Variants in PDE4D observed in about 807,000 individuals in gnomAD.
PDE4D encodes 3',5'-cyclic-AMP phosphodiesterase 4D.
PDE4D carries 24 observed loss-of-function variants against 87.4 expected under a neutral mutation model. The observed-to-expected ratio is 0.27, with a 90% CI of 0.20 to 0.39. The LOEUF (loss-of-function observed/expected upper bound fraction) is 0.39, where lower values mean the gene tolerates loss of function less well. PDE4D is among the 10% of genes least tolerant of loss of function. The probability of loss-of-function intolerance (pLI) is 1.00; values close to 1 mark genes in which losing one functional copy is unlikely to be tolerated. For missense variants in PDE4D, 714 were observed against 1,041.0 expected (o/e 0.69, Z 4.32); for synonymous variants, 384 against 383.2 (o/e 1.00, Z -0.02).
chr5:58,977,443 C>T, intron 11 of PDE4D, 98 bp from the exon 12 acceptor site: 1 of 1,059,926 alleles, frequency 9.4e-7, no homozygotes. Context: ...TTCCCCTAAA[C>T]TTCTCTGCTG....
intron 1 of PDE4D, among the ~76,000 whole-genome samples, chr5:59,442,799 C>T (rs551033701): frequency 6.6e-6 from 1 of 152,266 alleles, no homozygotes; most frequent in East Asian, 1.9e-4. Flanking sequence ...ACCCATTTGT[C>T]CACACCCAAT....
At chr5:59,643,553 T>G (rs1741958784) in intron 1 of PDE4D, among the ~76,000 whole-genome samples, 1 of 152,230 alleles carries the variant, frequency 6.6e-6, no homozygotes, top group African/African-American at 2.4e-5. Context: ...AATTTACATG[T>G]AGTTTATTAT....
intron 2 of PDE4D, among the ~76,000 whole-genome samples, chr5:60,097,505 T>C (rs898280320): frequency 6.6e-6 from 1 of 152,056 alleles, no homozygotes. Context: ...TTATACAGTT[T>C]TAAGAGTATG....
Position 59,039,613 on chromosome 5 carries a change from C to T in PDE4D, c.809-642G>A, listed in dbSNP as rs189101861. ...TCCCCCTCACGCCCCTCTCGGCCCT[C>T]GGCGCTGCCTGGCTCCTCCTCAACC... On this transcript the variant is annotated intron_variant, in intron 5 of 14. Transcript: ENST00000340635. The T allele has an allele frequency of 1.5e-4, 101 of 677,252 alleles. No homozygotes were observed. In the African/African-American group the frequency reaches 1.8e-3, roughly 12 times the overall value. 42.0% of individuals were successfully genotyped at this position (677,252 alleles called of 1,614,324 possible). A position where few individuals can be genotyped will look rare whatever the true frequency, so the allele number is the denominator to read the frequency against.
At position 60,237,910 on chromosome 5, in the gene PDE4D, GA is replaced by G. The variant is rs539940757; in HGVS notation, c.-89-52224del. 3.1e-3 allele frequency among the ~76,000 whole-genome samples: 470 copies of G among 151,640 alleles called. 2 individuals carry two copies. Among genetic ancestry groups the G allele is most frequent in the African/African-American group, 0.011 (453 of 41,410 alleles). Reference sequence around the variant, plus strand: ...AATTATTATCAAATAAAATGTTGGGGAAAAAAACAAACAATTCCGTTAGATT... The same window carrying G: ...AATTATTATCAAATAAAATGTTGGGGAAAAAACAAACAATTCCGTTAGATT... On this transcript the variant is annotated intron_variant, in intron 1 of 16. Coordinates refer to the PDE4D transcript ENST00000502484.
chr5:59,479,284 CA>C (rs1234484830), intron 1 of PDE4D, among the ~76,000 whole-genome samples: 3 of 152,036 alleles, frequency 2.0e-5, no homozygotes, highest in Non-Finnish European at 4.4e-5. Context: ...TAAGCACCGT[CA>C]TGGTTGGGAG....
chr5:58,996,328 A>G (rs925491557), intron 6 of PDE4D, among the ~76,000 whole-genome samples: 3 of 152,216 alleles, frequency 2.0e-5, no homozygotes, highest in African/African-American at 7.2e-5. Flanking sequence ...ACTTGGAAAA[A>G]TATACTCATT....
chr5:59,994,891 T>C (rs535179771), intron 2 of PDE4D, among the ~76,000 whole-genome samples: 2 of 152,348 alleles, frequency 1.3e-5, no homozygotes, highest in South Asian at 4.1e-4. Context: ...TAATCATTTA[T>C]TGAGCACCTA....
intron 1 of PDE4D, among the ~76,000 whole-genome samples, chr5:60,321,432 T>A (rs1756258496): frequency 6.6e-6 from 1 of 152,174 alleles, no homozygotes; most frequent in South Asian, 2.1e-4. Context: ...AACCTAAAAC[T>A]ATACAAATGC....
intron 1 of PDE4D, among the ~76,000 whole-genome samples, chr5:59,233,500 A>G (rs1755687827): frequency 6.6e-6 from 1 of 152,168 alleles, no homozygotes. Context: ...GCTCATTTGC[A>G]GTGGGATCAG....
At chr5:59,566,577 T>TGA (rs1453446433) in intron 1 of PDE4D, among the ~76,000 whole-genome samples, 4 of 54,558 alleles carry the variant, frequency 7.3e-5, no homozygotes, top group South Asian at 6.7e-4. Flanking sequence ...TGTGTGTGTG[T>TGA]GTGTGTGAGA....
intron 6 of PDE4D, among the ~76,000 whole-genome samples, chr5:59,031,815 G>A (rs1757595592): frequency 6.6e-6 from 1 of 150,408 alleles, no homozygotes; most frequent in Admixed American, 6.6e-5. Flanking sequence ...TATGCTAAGT[G>A]AGATAAGTCA....
At chr5:59,501,257 A>G (rs546075762) in intron 1 of PDE4D, among the ~76,000 whole-genome samples, 4 of 152,256 alleles carry the variant, frequency 2.6e-5, no homozygotes, top group Middle Eastern at 3.4e-3. Flanking sequence ...TCTCCCAATA[A>G]AACAATTCAA....
intron 1 of PDE4D, among the ~76,000 whole-genome samples, chr5:59,405,229 A>AT (rs1791410239): frequency 6.6e-6 from 1 of 152,146 alleles, no homozygotes; most frequent in African/African-American, 2.4e-5. Context: ...ATATCTTTCC[A>AT]TTTTTTGTGT....
At chr5:60,506,821 C>T (rs923379380) in intron 1 of PDE4D, among the ~76,000 whole-genome samples, 1 of 151,446 alleles carries the variant, frequency 6.6e-6, no homozygotes, top group Non-Finnish European at 1.5e-5. Flanking sequence ...TAGGACTTCC[C>T]GTAAGTAAAT....
chr5:59,106,685 G>A (rs891918813), intron 5 of PDE4D, among the ~76,000 whole-genome samples: 6 of 152,168 alleles, frequency 3.9e-5, no homozygotes, highest in East Asian at 1.9e-4. Context: ...GCTTGAACCC[G>A]GGAGGCGGAG....
At chr5:59,324,785 C>CAGCTGCAGTTACAGCTTTCTGT (rs1775349875) in intron 1 of PDE4D, among the ~76,000 whole-genome samples, 1 of 152,126 alleles carries the variant, frequency 6.6e-6, no homozygotes. Context: ...AGTTAAGTTA[C>CAGCTGCAGTTACAGCTTTCTGT]AACTTTCTGG....
At chr5:59,046,793 G>A (rs1760776919) in intron 5 of PDE4D, among the ~76,000 whole-genome samples, 1 of 152,144 alleles carries the variant, frequency 6.6e-6, no homozygotes, top group Non-Finnish European at 1.5e-5. Context: ...GCTTTTATAA[G>A]AATAAGGAGG....
chr5:59,102,773 G>C (rs768774327), intron 5 of PDE4D, among the ~76,000 whole-genome samples: 3 of 152,120 alleles, frequency 2.0e-5, no homozygotes, highest in Non-Finnish European at 4.4e-5. Context: ...AGAATTTGTG[G>C]GGCATAGGGC....
Sources: gnomAD v4.1 joint callset for allele counts (sites outside exome capture counted in the v4.1 genomes callset) on GRCh38, gnomAD v4.1.1 for gene constraint, MANE v1.5 for transcripts, NCBI Gene and HGNC (gene_info 2026-07-23, HGNC 2026-07-21) for gene names.